WWOX: variants seen among roughly 807,000 people sequenced by gnomAD.
WWOX encodes the protein WW domain-containing oxidoreductase.
In WWOX, 69 loss-of-function variants were observed where a neutral mutation model predicts 46.2. That is an observed-to-expected ratio of 1.49 (90% confidence interval 1.23 to 1.82). WWOX has a LOEUF of 1.82. Ranked by LOEUF, WWOX falls within the 40% of genes most tolerant of loss-of-function variation. WWOX has a pLI of 0.00. For synonymous variants in WWOX, 359 were observed against 202.6 expected (o/e 1.77, Z -6.56); for missense variants, 919 against 542.6 (o/e 1.69, Z -6.89).
chr16:78,511,140 A>G (rs2085350360), intron 8 of WWOX, among the ~76,000 whole-genome samples: 1 of 152,198 alleles, frequency 6.6e-6, no homozygotes, highest in Non-Finnish European at 1.5e-5. Context: ...TCTGATATTT[A>G]CAGCCCTTGC....
chr16:78,728,054 C>CCTT (rs1567519457), intron 8 of WWOX, among the ~76,000 whole-genome samples: 2 of 98,550 alleles, frequency 2.0e-5, no homozygotes, highest in Non-Finnish European at 1.9e-5. Context: ...CTCCCTCCTT[C>CCTT]CTTTTTTTTT....
rs116887852 is a variant in WWOX, at chr16:78,742,261, C to T, written c.1056+309509C>T. ...TACTGATAATAGTCCATGATCAAGG[C>T]AGTTTGGAGACCACTCAGGACAGGG... On this transcript the variant is annotated intron_variant, in intron 8 of 8. Transcript: ENST00000566780. Among the ~76,000 whole-genome samples the T allele has an allele frequency of 4.3e-4, 66 of 152,276 alleles. No individual in the cohort carries two copies. In the East Asian group the frequency reaches 8.5e-3, roughly 20 times the overall value.
intron 8 of WWOX, among the ~76,000 whole-genome samples, chr16:78,572,378 T>C (rs539704627): frequency 2.6e-5 from 4 of 152,094 alleles, no homozygotes; most frequent in Admixed American, 6.6e-5. Flanking sequence ...GCAGATGGCT[T>C]GAGCCCAGGA....
intron 8 of WWOX, among the ~76,000 whole-genome samples, chr16:79,039,109 T>C (rs1002214440): frequency 6.6e-6 from 1 of 152,142 alleles, no homozygotes; most frequent in Admixed American, 6.5e-5. Flanking sequence ...TTAAAAAAAA[T>C]TAAAGAAATG....
At chr16:78,556,829 G>A (rs974578730) in intron 8 of WWOX, among the ~76,000 whole-genome samples, 20 of 151,666 alleles carry the variant, frequency 1.3e-4, no homozygotes, top group African/African-American at 3.6e-4. Context: ...AGCAATTCTC[G>A]CACCTCAGCC....
At chr16:78,554,307 C>T (rs925042333) in intron 8 of WWOX, among the ~76,000 whole-genome samples, 1 of 152,062 alleles carries the variant, frequency 6.6e-6, no homozygotes, top group Non-Finnish European at 1.5e-5. Context: ...CCTAGTGTTC[C>T]ATTATTGGAA....
intron 8 of WWOX, among the ~76,000 whole-genome samples, chr16:78,862,489 C>G (rs889313413): frequency 1.3e-5 from 2 of 151,830 alleles, no homozygotes; most frequent in Admixed American, 6.6e-5. Flanking sequence ...TGCATACACA[C>G]ACACATTTTT....
chr16:78,556,583 G>T (rs968181260), intron 8 of WWOX, among the ~76,000 whole-genome samples: 2 of 152,144 alleles, frequency 1.3e-5, no homozygotes, highest in Non-Finnish European at 2.9e-5. Context: ...ACCGGCGTGC[G>T]GTGAGTTGCC....
chr16:78,101,466 C>T (rs2031784798), intron 1 of WWOX, among the ~76,000 whole-genome samples: 1 of 151,036 alleles, frequency 6.6e-6, no homozygotes, highest in African/African-American at 2.4e-5. Flanking sequence ...CGTGTCTCAG[C>T]CTCCCGAATA....
intron 4 of WWOX, among the ~76,000 whole-genome samples, chr16:78,137,286 C>G (rs753640154): frequency 1.8e-4 from 27 of 152,200 alleles, no homozygotes; most frequent in Non-Finnish European, 3.5e-4. Context: ...AATCCTCACC[C>G]TCCGATAACT....
In WWOX at chr16:78,916,592, A is replaced by G. The variant is rs929773502; in HGVS notation, c.1057-295016A>G. On this transcript the variant is annotated intron_variant, in intron 8 of 8. Transcript: ENST00000566780. ...GAAATGAGATACTGATAATAATTAT[A>G]CCAAGACAACAGACATAAATTGGGA... is the stretch of plus-strand genomic sequence containing the variant. 2.6e-5 allele frequency among the ~76,000 whole-genome samples: 4 copies of G among 152,248 alleles called. No individual in the cohort carries two copies. In the East Asian group the frequency reaches 7.7e-4, roughly 29 times the overall value.
rs192369444 is a variant in WWOX at position 78,434,215 on chromosome 16, C to T, written c.1056+1463C>T. On this transcript the variant is annotated intron_variant, in intron 8 of 8. Coordinates refer to ENST00000566780, the MANE Select transcript of WWOX (RefSeq NM_016373.4). ...GAGTAAACAGACATATTCCAAGAGT[C>T]GAATACTTAGGATCAGTGGCAGTGA... is the stretch of plus-strand genomic sequence containing the variant. 6.4e-3 allele frequency among the ~76,000 whole-genome samples: 976 copies of T among 152,218 alleles called. 4 individuals carry two copies. The highest frequency in any genetic ancestry group is 0.01 in the Non-Finnish European group (681 of 68,016).
intron 8 of WWOX, among the ~76,000 whole-genome samples, chr16:78,800,442 C>A (rs528391998): frequency 6.6e-6 from 1 of 152,288 alleles, no homozygotes; most frequent in Non-Finnish European, 1.5e-5. Flanking sequence ...TAGTCACTGG[C>A]TATGAAAATG....
intron 8 of WWOX, among the ~76,000 whole-genome samples, chr16:78,734,335 G>C (rs961554417): frequency 2.0e-5 from 3 of 152,050 alleles, no homozygotes; most frequent in African/African-American, 7.2e-5. Flanking sequence ...ATAAGCTTAG[G>C]AGTCCTGAAT....
chr16:79,125,556 A>G (rs1267788692), intron 8 of WWOX, among the ~76,000 whole-genome samples: 4 of 151,670 alleles, frequency 2.6e-5, no homozygotes, highest in Non-Finnish European at 4.4e-5. Context: ...GGGAGTCCCA[A>G]CTTTTTGAAT....
intron 6 of WWOX, among the ~76,000 whole-genome samples, chr16:78,419,740 G>C (rs778087376): frequency 4.7e-5 from 7 of 149,746 alleles, no homozygotes; most frequent in Non-Finnish European, 1.0e-4. Context: ...CTTAGACAAT[G>C]ATTTCTTGGA....
intron 8 of WWOX, among the ~76,000 whole-genome samples, chr16:78,741,782 G>C (rs943575683): frequency 2.0e-5 from 3 of 152,176 alleles, no homozygotes; most frequent in African/African-American, 7.2e-5. Context: ...TTGAATCCAG[G>C]AGACGGAGGT....
In WWOX at chr16:79,212,629, C is replaced by T. The variant is rs369316900; in HGVS notation, c.*833C>T. The T allele has an allele frequency of 2.0e-4, 30 of 152,630 alleles. No homozygotes were observed. Among genetic ancestry groups the T allele is most frequent in the Non-Finnish European group, 3.1e-4 (21 of 67,896 alleles). The allele number at this position is 152,630 out of a possible 1,614,324, so 9.5% of individuals were successfully genotyped here. A position where few individuals can be genotyped will look rare whatever the true frequency, so the allele number is the denominator to read the frequency against. ...TGTACTTAAACCTCCTGCTGTGCCT[C>T]GCATCCTATGCTTAATAAAAGAACA... is the stretch of plus-strand genomic sequence containing the variant. On this transcript the variant is annotated 3_prime_UTR_variant, in exon 9 of 9. Transcript: ENST00000566780.
At chr16:78,822,504 C>G (rs764275594) in intron 8 of WWOX, among the ~76,000 whole-genome samples, 69 of 151,866 alleles carry the variant, frequency 4.5e-4, no homozygotes, top group Non-Finnish European at 7.8e-4. Flanking sequence ...CAAAGAAAAA[C>G]AAAAACAAAA....
Sources: gnomAD v4.1 joint callset for allele counts (sites outside exome capture counted in the v4.1 genomes callset) on GRCh38, gnomAD v4.1.1 for gene constraint, MANE v1.5 for transcripts, NCBI Gene and HGNC (gene_info 2026-07-23, HGNC 2026-07-21) for gene names.